The following PTPN3 variants were observed in gnomAD, a reference collection of about 807,000 sequenced individuals.
The protein encoded by PTPN3 is tyrosine-protein phosphatase non-receptor type 3.
PTPN3 carries 96 observed loss-of-function variants against 132.7 expected under a neutral mutation model. The observed-to-expected ratio is 0.72, with a 90% CI of 0.61 to 0.86. The LOEUF is 0.86. PTPN3 is among the 40% of genes least tolerant of loss of function. The pLI is 0.00. For missense variants in PTPN3, 1,125 were observed against 1,159.6 expected, an observed-to-expected ratio of 0.97 and a Z score of 0.43; for synonymous variants, 398 against 429.0, an observed-to-expected ratio of 0.93 and a Z score of 0.89.
intron 5 of PTPN3, among the ~76,000 whole-genome samples, chr9:109,451,816 T>G (rs778440847): frequency 6.6e-5 from 10 of 152,222 alleles, no homozygotes; most frequent in Non-Finnish European, 1.2e-4. Flanking sequence ...AGGGCTCTAA[T>G]GTGCCCAGTG....
the PTPN3 span, among the ~76,000 whole-genome samples, chr9:109,536,104 T>G: frequency 1.3e-5 from 2 of 152,224 alleles, no homozygotes; most frequent in Non-Finnish European, 2.9e-5. Context: ...TTCATATAAA[T>G]GGAATAATAA....
the PTPN3 span, among the ~76,000 whole-genome samples, chr9:109,523,649 C>T: frequency 6.6e-6 from 1 of 152,288 alleles, no homozygotes; most frequent in Non-Finnish European, 1.5e-5. Flanking sequence ...GCCATTGAAA[C>T]AGGTGACCTG....
At chr9:109,477,113 C>T (rs935362421) in intron 1 of PTPN3, among the ~76,000 whole-genome samples, 1 of 152,206 alleles carries the variant, frequency 6.6e-6, no homozygotes, top group Non-Finnish European at 1.5e-5. Flanking sequence ...ACACACCACC[C>T]ACTCTGAGTC....
intron 1 of PTPN3, among the ~76,000 whole-genome samples, chr9:109,482,455 CAT>C (rs149882273): frequency 0.013 from 2,041 of 152,324 alleles, 47 homozygotes; most frequent in African/African-American, 0.044. Context: ...AAAAACCCCA[CAT>C]GTGTTAGTTT....
At position 109,445,462 on chromosome 9, in the gene PTPN3, T is replaced by C. The variant is rs899363491; in HGVS notation, c.414-170A>G. Among the ~76,000 whole-genome samples the C allele has an allele frequency of 8.3e-4, 126 of 152,290 alleles. 1 individual carries two copies. In the Middle Eastern group the frequency reaches 0.014, roughly 16 times the overall value. The stretch of plus-strand genomic sequence containing the variant: ...GCTGCACATAAACAGTAAAGGCAAA[T>C]GTAATACACTAAAATTTTTTAAAAA... On this transcript the variant is annotated intron_variant, in intron 6 of 25. Coordinates refer to ENST00000374541, the MANE Select transcript of PTPN3 (RefSeq NM_002829.4).
At chr9:109,391,870 T>TGTGTGG (rs1554777546) in intron 19 of PTPN3, among the ~76,000 whole-genome samples, 1 of 29,444 alleles carries the variant, frequency 3.4e-5, no homozygotes, top group African/African-American at 1.7e-4. Context: ...CAACTAGATG[T>TGTGTGG]GGGGGGGGGG....
chr9:109,490,797 G>A (rs377150820), intron 1 of PTPN3, among the ~76,000 whole-genome samples: 10 of 151,150 alleles, frequency 6.6e-5, no homozygotes, highest in African/African-American at 2.2e-4. Flanking sequence ...TTGGGGAACT[G>A]TCTTAGTTTA....
intron 5 of PTPN3, among the ~76,000 whole-genome samples, 169 bp downstream of exon 5, chr9:109,454,327 G>C (rs10979879): frequency 0.39 from 59,028 of 151,894 alleles, 12,229 homozygotes; most frequent in African/African-American, 0.52. Context: ...AACTCATTAG[G>C]TGATTAAAAT....
At chr9:109,393,884 A>C (rs1459439345) in intron 19 of PTPN3, among the ~76,000 whole-genome samples, 1 of 152,204 alleles carries the variant, frequency 6.6e-6, no homozygotes, top group Non-Finnish European at 1.5e-5. Flanking sequence ...ACTCCCCAGA[A>C]GATAATTAAC....
chr9:109,449,761 C>T, intron 5 of PTPN3: 1 of 985,386 alleles, frequency 1.0e-6, no homozygotes, highest in Non-Finnish European at 1.2e-6. Flanking sequence ...CTAATATAGA[C>T]AGGGCAGAAG....
rs35279031 is a variant in PTPN3 at position 109,457,304 on chromosome 9, G to T, written c.234C>A (p.Ser78=). 6.2e-7 allele frequency: 1 copy of T among 1,613,872 alleles called. No homozygotes were observed. The highest frequency in any genetic ancestry group is 8.5e-7 in the Non-Finnish European group (1 of 1,179,786). The change falls in exon 3 of 26, where the codon TCC becomes TCA. Residue 78 remains serine, a synonymous_variant. Coordinates refer to ENST00000374541, the MANE Select transcript of PTPN3 (RefSeq NM_002829.4). The part of the protein sequence containing the change: ...EYFGLQHDDD[S]VDSPRWLEAS... ...AAATGGCACTTACAGGAGAGTCCAC[G>T]GAGTCGTCATCATGCTGTAAACCAA...
At chr9:109,449,406 A>C (rs1845092203) in intron 5 of PTPN3, 1 of 985,686 alleles carries the variant, frequency 1.0e-6, no homozygotes, top group African/African-American at 1.7e-5. Context: ...CATGAGCAAA[A>C]GCATAAACAT....
Position 109,410,581 on chromosome 9 carries a change from C to T in PTPN3, c.1314-166G>A, listed in dbSNP as rs565818283. ...AGTACACCCAGGGCCCACTGACCAC[C>T]CCTGACCGCATCTGGCCTAGACACT... On this transcript the variant is annotated intron_variant, in intron 14 of 25. Transcript: ENST00000374541. Among the ~76,000 whole-genome samples the T allele has an allele frequency of 3.9e-5, 6 of 152,274 alleles. No individual in the cohort carries two copies. The East Asian group carries it at 1.2e-3, about 29-fold the overall frequency.
intron 1 of PTPN3, among the ~76,000 whole-genome samples, chr9:109,469,539 A>T (rs2132067061): frequency 6.6e-6 from 1 of 152,276 alleles, no homozygotes; most frequent in South Asian, 2.1e-4. Context: ...AAATCGCTCG[A>T]ACCCGGGAAG....
At chr9:109,406,948 G>A (rs1376193857) in intron 17 of PTPN3, among the ~76,000 whole-genome samples, 2 of 152,096 alleles carry the variant, frequency 1.3e-5, no homozygotes, top group African/African-American at 4.8e-5. Flanking sequence ...TTTCCTAGAT[G>A]TACTGTTAGG....
intron 1 of PTPN3, among the ~76,000 whole-genome samples, chr9:109,468,087 A>G (rs1322203258): frequency 6.6e-6 from 1 of 152,170 alleles, no homozygotes; most frequent in Non-Finnish European, 1.5e-5. Context: ...GGTCGGGACA[A>G]TGGATGCTGA....
chr9:109,511,707 C>T, the PTPN3 span, among the ~76,000 whole-genome samples: 10 of 152,228 alleles, frequency 6.6e-5, no homozygotes, highest in East Asian at 9.7e-4. Flanking sequence ...ATCATGAGGA[C>T]GGGAAAAATC....
chr9:109,463,606 G>A (rs534835841), intron 1 of PTPN3, among the ~76,000 whole-genome samples, 155 bp from the exon 2 acceptor site: 1 of 152,248 alleles, frequency 6.6e-6, no homozygotes, highest in South Asian at 2.1e-4. Context: ...ATTGAGTTTT[G>A]ACTTCTAAGA....
chr9:109,449,023 CCT>C (rs1845057040), intron 5 of PTPN3, 168 bp from the exon 6 acceptor site: 1 of 1,422,098 alleles, frequency 7.0e-7, no homozygotes, highest in African/African-American at 1.4e-5. Flanking sequence ...GCAAAGCTGC[CCT>C]GTCATTACTG....
Sources: allele counts gnomAD v4.1 joint callset (sites outside exome capture counted in the v4.1 genomes callset), GRCh38; gene constraint gnomAD v4.1.1; transcripts MANE v1.5; gene names NCBI Gene and HGNC (gene_info 2026-07-23, HGNC 2026-07-21).